ITM2B: variants seen among roughly 807,000 people sequenced by gnomAD.
The protein encoded by ITM2B is integral membrane protein 2B.
In ITM2B, 11 loss-of-function variants were observed where a neutral mutation model predicts 27.8. The ratio of observed to expected loss-of-function variants is 0.40; its 90% CI spans 0.25 to 0.66. ITM2B has a LOEUF of 0.66. ITM2B is among the 30% of genes least tolerant of loss of function. The probability of loss-of-function intolerance (pLI) is 0.43; values close to 1 mark genes in which losing one functional copy is unlikely to be tolerated. For synonymous variants in ITM2B, 114 were observed against 114.3 expected (o/e 1.00, Z 0.02); for missense variants, 296 against 328.9 (o/e 0.90, Z 0.77).
At position 48,262,007 on chromosome 13, in the gene ITM2B, A is replaced by T. The variant is rs1415724101; in HGVS notation, c.*783A>T. ...ATATATACAATGAGTAAAATCACAG[A>T]TTTTTTCTTTAAATAAAAATAAGTC... On this transcript the variant is annotated 3_prime_UTR_variant, in exon 6 of 6. Coordinates refer to ENST00000647800, the MANE Select transcript of ITM2B (RefSeq NM_021999.5). The T allele has an allele frequency of 6.6e-6, 1 of 152,298 alleles. No individual in the cohort carries two copies. Among genetic ancestry groups the T allele is most frequent in the African/African-American group, 2.4e-5 (1 of 41,444 alleles). The allele number at this position is 152,298 out of a possible 1,614,324, so 9.4% of individuals were successfully genotyped here. A position where few individuals can be genotyped will look rare whatever the true frequency, so the allele number is the denominator to read the frequency against.
intron 1 of ITM2B, among the ~76,000 whole-genome samples, chr13:48,249,275 C>A (rs577448497): frequency 2.0e-5 from 3 of 152,242 alleles, no homozygotes; most frequent in Non-Finnish European, 4.4e-5. Flanking sequence ...AAACTTCTTT[C>A]ACTTAGCATG....
At chr13:48,259,782 G>A (rs1282324735) in intron 5 of ITM2B, among the ~76,000 whole-genome samples, 1 of 151,630 alleles carries the variant, frequency 6.6e-6, no homozygotes, top group Non-Finnish European at 1.5e-5. Flanking sequence ...CTGATGTGAG[G>A]TTTGGGGTAC....
rs535828540 is a variant in ITM2B at position 48,238,164 on chromosome 13, T to TTATAGA, written c.117+4691_117+4692insGATATA. On this transcript the variant is annotated intron_variant, in intron 1 of 5. Coordinates refer to ENST00000647800, the MANE Select transcript of ITM2B (RefSeq NM_021999.5). ...ACAGCTGAAAGTTGAAAATTGGAAA[T>TTATAGA]TATAACACTAAGGACATCATTTTTG... Among the ~76,000 whole-genome samples, 288 of 152,330 alleles carry TTATAGA rather than the reference T, an allele frequency of 1.9e-3. 5 individuals carry two copies. The highest frequency in any genetic ancestry group is 6.6e-3 in the African/African-American group (273 of 41,586).
In ITM2B at chr13:48,268,860, GTAT is replaced by G. The variant is rs914845131; in HGVS notation, c.*7642_*7644del. 17 of 152,242 alleles carry G rather than the reference GTAT, an allele frequency of 1.1e-4. No individual in the cohort carries two copies. The highest frequency in any genetic ancestry group is 4.1e-4 in the African/African-American group (17 of 41,524). 9.4% of individuals were successfully genotyped at this position (152,242 alleles called of 1,614,324 possible). A position where few individuals can be genotyped will look rare whatever the true frequency, so the allele number is the denominator to read the frequency against. On this transcript the variant is annotated 3_prime_UTR_variant, in exon 6 of 6. Coordinates refer to ENST00000647800, the MANE Select transcript of ITM2B (RefSeq NM_021999.5). ...AATACATGACAATGCAGGAGTCCAAGTATTATTAGGTTTACAGTCATAACAAAC... is the reference window on the plus strand; with the variant it reads ...AATACATGACAATGCAGGAGTCCAAGTATTAGGTTTACAGTCATAACAAAC...
At chr13:48,251,035 T>A (rs551703482) in intron 1 of ITM2B, among the ~76,000 whole-genome samples, 3 of 152,332 alleles carry the variant, frequency 2.0e-5, no homozygotes, top group East Asian at 1.9e-4. Flanking sequence ...AATTGAATTT[T>A]AAAAAAATAT....
rs187508109 is a variant in ITM2B at position 48,262,826 on chromosome 13, C to T, written c.*1602C>T. On this transcript the variant is annotated 3_prime_UTR_variant, in exon 6 of 6. Transcript: ENST00000647800. ...TTCTTTGGAAAACATTTAGGAGAGT[C>T]AATGAGACTTTCAGAATGTGAAGTG... The T allele has an allele frequency of 2.6e-5, 4 of 152,242 alleles. No individual in the cohort carries two copies. In the East Asian group the frequency reaches 7.7e-4, roughly 29 times the overall value. The allele number at this position is 152,242 out of a possible 1,614,324, so 9.4% of individuals were successfully genotyped here. A position where few individuals can be genotyped will look rare whatever the true frequency, so the allele number is the denominator to read the frequency against.
intron 1 of ITM2B, among the ~76,000 whole-genome samples, chr13:48,245,145 G>A (rs1199414422): frequency 6.6e-6 from 1 of 152,208 alleles, no homozygotes. Context: ...GGCCAACATG[G>A]TGAGATCCCG....
chr13:48,245,923 C>T (rs1355820533), intron 1 of ITM2B, among the ~76,000 whole-genome samples: 2 of 151,856 alleles, frequency 1.3e-5, no homozygotes, highest in African/African-American at 2.4e-5. Context: ...GGACTACAGG[C>T]GCCTGCCACC....
chr13:48,248,290 CT>C (rs530267792), intron 1 of ITM2B, among the ~76,000 whole-genome samples: 45 of 145,442 alleles, frequency 3.1e-4, no homozygotes, highest in East Asian at 1.2e-3. Flanking sequence ...AGTGCTAGTA[CT>C]TTTTTTTTTT....
rs1951844389 is a variant in ITM2B, at chr13:48,264,984, A to T, written c.*3760A>T. ...ATTCCACACTTTTAATCTTCCAGCC[A>T]CCTATTGCAGATTGGTTCTGAGAAG... On this transcript the variant is annotated 3_prime_UTR_variant, in exon 6 of 6. Coordinates refer to ENST00000647800, the MANE Select transcript of ITM2B (RefSeq NM_021999.5). 1 of 152,142 alleles carries T rather than the reference A, an allele frequency of 6.6e-6. No homozygotes were observed. Among genetic ancestry groups the T allele is most frequent in the African/African-American group, 2.4e-5 (1 of 41,424 alleles). The allele number at this position is 152,142 out of a possible 1,614,324, so 9.4% of individuals were successfully genotyped here.
At chr13:48,252,007 C>T (rs1951758664) in intron 1 of ITM2B, among the ~76,000 whole-genome samples, 2 of 152,296 alleles carry the variant, frequency 1.3e-5, no homozygotes, top group Admixed American at 6.5e-5. Context: ...CCTTGCAATA[C>T]GCTCATTGTC....
At position 48,267,216 on chromosome 13, in the gene ITM2B, G is replaced by T. The variant is rs1302513175; in HGVS notation, c.*5992G>T. On this transcript the variant is annotated 3_prime_UTR_variant, in exon 6 of 6. Coordinates refer to ENST00000647800, the MANE Select transcript of ITM2B (RefSeq NM_021999.5). Reference sequence around the variant, plus strand: ...GATAAATATATCCATTAAGCCTTCAGACTAAGATGCAGGAATAGTTTTCCA... The same window carrying T: ...GATAAATATATCCATTAAGCCTTCATACTAAGATGCAGGAATAGTTTTCCA... The T allele has an allele frequency of 2.0e-5, 3 of 152,208 alleles. No individual in the cohort carries two copies. The highest frequency in any genetic ancestry group is 4.4e-5 in the Non-Finnish European group (3 of 68,036). The allele number at this position is 152,208 out of a possible 1,614,324, so 9.4% of individuals were successfully genotyped here.
At chr13:48,245,793 TC>T (rs1178276082) in intron 1 of ITM2B, among the ~76,000 whole-genome samples, 22 of 151,868 alleles carry the variant, frequency 1.4e-4, no homozygotes, top group East Asian at 3.9e-4. Context: ...TTTTTTTTTT[TC>T]GAGACAGAGT....
chr13:48,262,358 T>G lies in ITM2B; in HGVS notation c.*1134T>G, dbSNP rs576770002. 3 of 152,130 alleles carry G rather than the reference T, an allele frequency of 2.0e-5. No individual in the cohort carries two copies. The highest frequency in any genetic ancestry group is 2.9e-5 in the Non-Finnish European group (2 of 68,006). 9.4% of individuals were successfully genotyped at this position (152,130 alleles called of 1,614,324 possible). A position where few individuals can be genotyped will look rare whatever the true frequency, so the allele number is the denominator to read the frequency against. The stretch of plus-strand genomic sequence containing the variant: ...AGACAAAAAATTTCAATTCTGACTT[T>G]AGGAGGTCAGAGTTTTTAAAGCTTC... On this transcript the variant is annotated 3_prime_UTR_variant, in exon 6 of 6. Transcript: ENST00000647800.
Position 48,233,209 on chromosome 13 carries a change from A to G in ITM2B, c.-152A>G, listed in dbSNP as rs1005614518. ...GAGGCTGCGAGATCCCTACCGCAGTAGCCGCCTCTGCCGCCGCGGAGCTTC... is the reference window on the plus strand; with the variant it reads ...GAGGCTGCGAGATCCCTACCGCAGTGGCCGCCTCTGCCGCCGCGGAGCTTC... On this transcript the variant is annotated 5_prime_UTR_variant, in exon 1 of 6. Coordinates refer to ENST00000647800, the MANE Select transcript of ITM2B (RefSeq NM_021999.5). 1.6e-4 allele frequency: 77 copies of G among 474,104 alleles called. No individual in the cohort carries two copies. The highest frequency in any genetic ancestry group is 1.5e-3 in the African/African-American group (71 of 47,222). 29.4% of individuals were successfully genotyped at this position (474,104 alleles called of 1,614,324 possible).
In ITM2B at chr13:48,262,993, T is replaced by A. The variant is rs1487436760; in HGVS notation, c.*1769T>A. The A allele has an allele frequency of 6.6e-6, 1 of 152,164 alleles. No individual in the cohort carries two copies. The highest frequency in any genetic ancestry group is 1.5e-5 in the Non-Finnish European group (1 of 68,030). 9.4% of individuals were successfully genotyped at this position (152,164 alleles called of 1,614,324 possible). ...TGTTGATTATAGTAGTAATGCAGTATCAGGGTAGCTGAACTGCAATAATAA... is the reference window on the plus strand; with the variant it reads ...TGTTGATTATAGTAGTAATGCAGTAACAGGGTAGCTGAACTGCAATAATAA... On this transcript the variant is annotated 3_prime_UTR_variant, in exon 6 of 6. Transcript: ENST00000647800.
chr13:48,257,410 A>AT (rs1951796136), intron 3 of ITM2B, among the ~76,000 whole-genome samples: 1 of 152,146 alleles, frequency 6.6e-6, no homozygotes, highest in African/African-American at 2.4e-5. Context: ...ATCACCTGTG[A>AT]TTTTTATGTC....
rs1925745 is a variant in ITM2B, at chr13:48,265,928, T to G, written c.*4704T>G. 3 of 152,152 alleles carry G rather than the reference T, an allele frequency of 2.0e-5. No homozygotes were observed. The East Asian group carries it at 5.8e-4, about 29-fold the overall frequency. The allele number at this position is 152,152 out of a possible 1,614,324, so 9.4% of individuals were successfully genotyped here. ...TATTTTATATTTTGTCCTTGTTGCTTGTTTGGTTAATAGATTTCCACCACT... is the reference window on the plus strand; with the variant it reads ...TATTTTATATTTTGTCCTTGTTGCTGGTTTGGTTAATAGATTTCCACCACT... On this transcript the variant is annotated 3_prime_UTR_variant, in exon 6 of 6. Coordinates refer to ENST00000647800, the MANE Select transcript of ITM2B (RefSeq NM_021999.5).
At chr13:48,248,142 A>T (rs1029527180) in intron 1 of ITM2B, among the ~76,000 whole-genome samples, 1 of 152,182 alleles carries the variant, frequency 6.6e-6, no homozygotes, top group Non-Finnish European at 1.5e-5. Flanking sequence ...GAGAACCTGA[A>T]GTATATTTTA....
Sources: allele counts gnomAD v4.1 joint callset (sites outside exome capture counted in the v4.1 genomes callset), GRCh38; gene constraint gnomAD v4.1.1; transcripts MANE v1.5; gene names NCBI Gene and HGNC (gene_info 2026-07-23, HGNC 2026-07-21).